ALCAM: variants seen among roughly 807,000 people sequenced by gnomAD.
ALCAM encodes the protein CD166 antigen.
Under a neutral mutation model 70.9 loss-of-function variants are expected in ALCAM, and 30 were observed. The ratio of observed to expected loss-of-function variants is 0.42; its 90% confidence interval spans 0.32 to 0.57. ALCAM has a LOEUF of 0.57. Among genes scored for constraint, ALCAM ranks in the 20% least tolerant of loss-of-function variants. The pLI is 0.11. For synonymous variants in ALCAM, 249 were observed against 242.5 expected (o/e 1.03, Z -0.25); for missense variants, 591 against 695.1 (o/e 0.85, Z 1.68).
At chr3:105,466,435 G>T (rs57986655) in intron 1 of ALCAM, among the ~76,000 whole-genome samples, 2 of 151,372 alleles carry the variant, frequency 1.3e-5, no homozygotes, top group African/African-American at 4.8e-5. Flanking sequence ...TATTAAAGCT[G>T]CATATGTTCA....
chr3:105,374,560 AG>A (rs1935330392), intron 1 of ALCAM, among the ~76,000 whole-genome samples: 1 of 152,048 alleles, frequency 6.6e-6, no homozygotes, highest in African/African-American at 2.4e-5. Context: ...CTTGTTACCC[AG>A]GCTGGAGTGC....
intron 1 of ALCAM, among the ~76,000 whole-genome samples, chr3:105,513,842 G>A (rs1280157156): frequency 2.0e-5 from 3 of 151,858 alleles, no homozygotes; most frequent in Non-Finnish European, 2.9e-5. Flanking sequence ...TTTTATGTGC[G>A]CTTATGAATT....
chr3:105,491,664 C>G (rs1559809424), intron 1 of ALCAM, among the ~76,000 whole-genome samples: 1 of 152,192 alleles, frequency 6.6e-6, no homozygotes, highest in African/African-American at 2.4e-5. Context: ...ATCTCTAGGG[C>G]AGGGGCAAAA....
In ALCAM at chr3:105,389,371, GTTTTTTTTTTT is replaced by G. The variant is rs371987714; in HGVS notation, c.73+21907_73+21917del. Among the ~76,000 whole-genome samples, 12 of 58,192 alleles carry G rather than the reference GTTTTTTTTTTT, an allele frequency of 2.1e-4. 1 individual carries two copies. Among genetic ancestry groups the G allele is most frequent in the Middle Eastern group, 0.019 (1 of 52 alleles). 38.2% of individuals were successfully genotyped at this position (58,192 alleles called of 152,430 possible). On this transcript the variant is annotated intron_variant, in intron 1 of 15. Coordinates refer to ENST00000306107, the MANE Select transcript of ALCAM (RefSeq NM_001627.4). ...CTACTTGTATGCTCATATATACATA[GTTTTTTTTTTT>G]TTTTTTTTTTTTTTTTCTAAAAAAC...
intron 1 of ALCAM, among the ~76,000 whole-genome samples, chr3:105,440,639 G>C (rs1048878551): frequency 6.6e-6 from 1 of 152,084 alleles, no homozygotes; most frequent in Non-Finnish European, 1.5e-5. Flanking sequence ...ACCTCTTATC[G>C]CCCACATGCC....
At chr3:105,557,678 G>A (rs894445963) in intron 14 of ALCAM, among the ~76,000 whole-genome samples, 6 of 152,132 alleles carry the variant, frequency 3.9e-5, no homozygotes, top group Non-Finnish European at 8.8e-5. Flanking sequence ...CATGCAGGTG[G>A]CTTCCTGTTT....
At chr3:105,504,458 G>A (rs1170766373) in intron 1 of ALCAM, among the ~76,000 whole-genome samples, 1 of 152,190 alleles carries the variant, frequency 6.6e-6, no homozygotes, top group African/African-American at 2.4e-5. Context: ...TCAGCAGATG[G>A]GGGAAGCCAG....
chr3:105,374,676 C>G (rs1935333064), intron 1 of ALCAM, among the ~76,000 whole-genome samples: 1 of 152,032 alleles, frequency 6.6e-6, no homozygotes, highest in Non-Finnish European at 1.5e-5. Flanking sequence ...ACCAGCTCGC[C>G]CAGCTAATTT....
chr3:105,399,649 A>G (rs377671715), intron 1 of ALCAM, among the ~76,000 whole-genome samples: 13 of 152,188 alleles, frequency 8.5e-5, no homozygotes, highest in Non-Finnish European at 1.5e-5. Context: ...TGCTAATTTC[A>G]TAATCTCTTA....
At chr3:105,375,464 C>T (rs185287700) in intron 1 of ALCAM, among the ~76,000 whole-genome samples, 2 of 152,194 alleles carry the variant, frequency 1.3e-5, no homozygotes, top group Non-Finnish European at 1.5e-5. Context: ...GGGTTATATG[C>T]CCCTTTCATG....
intron 1 of ALCAM, chr3:105,440,664 A>G (rs1004009762): frequency 6.6e-6 from 1 of 152,238 alleles, no homozygotes; most frequent in Non-Finnish European, 1.5e-5. Context: ...GGAATCTGTT[A>G]GCAGTCCACC....
chr3:105,435,783 T>TTTTG (rs986235489), intron 1 of ALCAM, among the ~76,000 whole-genome samples: 10 of 152,262 alleles, frequency 6.6e-5, no homozygotes, highest in South Asian at 2.1e-4. Context: ...AGAGGTTTTT[T>TTTTG]TTTGTTTGTT....
intron 11 of ALCAM, among the ~76,000 whole-genome samples, chr3:105,549,446 G>A (rs1481503401): frequency 6.6e-6 from 1 of 151,448 alleles, no homozygotes; most frequent in East Asian, 1.9e-4. Flanking sequence ...AGATGACCGA[G>A]AAAAGAGTGC....
intron 6 of ALCAM, among the ~76,000 whole-genome samples, chr3:105,536,874 AAGGACTTGTTAG>A (rs1329127173): frequency 2.0e-5 from 3 of 152,102 alleles, no homozygotes; most frequent in Non-Finnish European, 4.4e-5. Flanking sequence ...GAAGAACATG[AAGGACTTGTTAG>A]AGCACAGATT....
At chr3:105,480,221 G>A (rs148249933) in intron 1 of ALCAM, among the ~76,000 whole-genome samples, 2,552 of 152,046 alleles carry the variant, frequency 0.017, 74 homozygotes, top group African/African-American at 0.059. Context: ...GTGGTGGCAC[G>A]TGCCTATAAT....
intron 1 of ALCAM, among the ~76,000 whole-genome samples, chr3:105,477,496 G>A (rs1172178127): frequency 6.6e-6 from 1 of 151,854 alleles, no homozygotes; most frequent in Admixed American, 6.6e-5. Flanking sequence ...CTATGTAATA[G>A]GTCAATTTTC....
At chr3:105,446,050 G>A (rs576045744) in intron 1 of ALCAM, among the ~76,000 whole-genome samples, 27 of 152,248 alleles carry the variant, frequency 1.8e-4, no homozygotes, top group African/African-American at 6.3e-4. Context: ...AGAACTTACA[G>A]AATGGGAGAA....
At chr3:105,443,915 G>A (rs777867144) in intron 1 of ALCAM, among the ~76,000 whole-genome samples, 1 of 152,052 alleles carries the variant, frequency 6.6e-6, no homozygotes, top group Non-Finnish European at 1.5e-5. Flanking sequence ...AAAAAACATA[G>A]ACTGAAGTTT....
chr3:105,372,386 A>C (rs1451524876), intron 1 of ALCAM, among the ~76,000 whole-genome samples: 1 of 152,108 alleles, frequency 6.6e-6, no homozygotes, highest in South Asian at 2.1e-4. Flanking sequence ...AATACCTTAT[A>C]TATTTCAGAT....
Sources: allele counts gnomAD v4.1 joint callset (sites outside exome capture counted in the v4.1 genomes callset), GRCh38; gene constraint gnomAD v4.1.1; transcripts MANE v1.5; gene names NCBI Gene and HGNC (gene_info 2026-07-23, HGNC 2026-07-21).